The following WASHC3 variants were observed in gnomAD, a reference collection of about 807,000 sequenced individuals.
WASHC3 encodes WASH complex subunit CCDC53.
In WASHC3, 24 loss-of-function variants were observed where a neutral mutation model predicts 26.1. The ratio of observed to expected loss-of-function variants is 0.92; its 90% CI spans 0.66 to 1.29. The LOEUF (loss-of-function observed/expected upper bound fraction) is 1.29. Ranked by LOEUF, WASHC3 falls within the 50% of genes most tolerant of loss-of-function variation. The probability of loss-of-function intolerance (pLI) is 0.00; values close to 1 mark genes in which losing one functional copy is unlikely to be tolerated. For synonymous variants in WASHC3, 77 were observed against 75.7 expected (o/e 1.02, Z -0.09); for missense variants, 214 against 229.6 (o/e 0.93, Z 0.44).
intron 1 of WASHC3, 35 bp from the exon 2 acceptor site, chr12:102,061,381 G>A: frequency 7.3e-7 from 1 of 1,370,158 alleles, no homozygotes; most frequent in Non-Finnish European, 1.0e-6. Context: ...GTTCATACAG[G>A]AGGAACGTAC....
chr12:102,046,161 T>C (rs1878154132), intron 2 of WASHC3, 42 bp from the exon 3 acceptor site: 2 of 1,135,652 alleles, frequency 1.8e-6, no homozygotes, highest in Admixed American at 2.1e-5. Context: ...TTAATTAAAA[T>C]AAACTGTTAA....
At chr12:102,018,276 T>A (rs554099757) in intron 6 of WASHC3, among the ~76,000 whole-genome samples, 21 of 152,362 alleles carry the variant, frequency 1.4e-4, no homozygotes, top group African/African-American at 4.1e-4. Context: ...TGAACATGCG[T>A]ATACAAATAT....
intron 5 of WASHC3, among the ~76,000 whole-genome samples, chr12:102,028,862 T>C (rs973061931): frequency 2.1e-4 from 32 of 151,856 alleles, no homozygotes; most frequent in African/African-American, 7.7e-4. Context: ...AATAGAAACC[T>C]AAACCTGTAA....
chr12:102,027,564 A>G (rs1195470062), intron 5 of WASHC3, among the ~76,000 whole-genome samples: 4 of 152,162 alleles, frequency 2.6e-5, no homozygotes, highest in Non-Finnish European at 5.9e-5. Context: ...CATTTTTTTA[A>G]TAAGAAAATT....
intron 2 of WASHC3, among the ~76,000 whole-genome samples, chr12:102,060,914 C>G (rs113441025): frequency 0.088 from 12,109 of 137,680 alleles, 663 homozygotes; most frequent in Non-Finnish European, 0.13. Flanking sequence ...GAGATCGCGC[C>G]ACTGCACTGT....
At chr12:102,044,751 T>A (rs1458126180) in intron 3 of WASHC3, among the ~76,000 whole-genome samples, 1 of 152,194 alleles carries the variant, frequency 6.6e-6, no homozygotes, top group African/African-American at 2.4e-5. Context: ...CATTCACCAC[T>A]GAATGTTATT....
In WASHC3 at chr12:102,013,069, C is replaced by G. The variant is rs749475966; in HGVS notation, c.*39G>C. On this transcript the variant is annotated 3_prime_UTR_variant, in exon 7 of 7. Transcript: ENST00000240079. ...CAATCTCTTACAGAATGTAAATGTACCCCTATGCATGCATATGTAATTCTT... is the reference window on the plus strand; with the variant it reads ...CAATCTCTTACAGAATGTAAATGTAGCCCTATGCATGCATATGTAATTCTT... The G allele has an allele frequency of 2.3e-6, 2 of 867,714 alleles. No individual in the cohort carries two copies. The highest frequency in any genetic ancestry group is 3.7e-6 in the Non-Finnish European group (2 of 536,730). 53.8% of individuals were successfully genotyped at this position (867,714 alleles called of 1,614,324 possible).
At chr12:102,044,782 A>C (rs532675409) in intron 3 of WASHC3, among the ~76,000 whole-genome samples, 1 of 152,146 alleles carries the variant, frequency 6.6e-6, no homozygotes, top group Non-Finnish European at 1.5e-5. Context: ...TCTTCTATGC[A>C]AAAAAATGGG....
intron 5 of WASHC3, among the ~76,000 whole-genome samples, chr12:102,033,812 T>C (rs2121380098): frequency 6.6e-6 from 1 of 152,116 alleles, no homozygotes; most frequent in South Asian, 2.1e-4. Context: ...AGCTGACATG[T>C]AGGCTTCTAA....
intron 5 of WASHC3, among the ~76,000 whole-genome samples, chr12:102,029,646 T>C (rs1303859776): frequency 6.6e-6 from 1 of 152,208 alleles, no homozygotes; most frequent in East Asian, 1.9e-4. Flanking sequence ...TCATTGTCAA[T>C]TTAAGAGAGA....
intron 6 of WASHC3, among the ~76,000 whole-genome samples, chr12:102,023,127 A>G (rs187751781): frequency 7.9e-5 from 12 of 152,200 alleles, no homozygotes; most frequent in African/African-American, 2.9e-4. Flanking sequence ...CTACAGTTTT[A>G]TAGAATTCCT....
intron 2 of WASHC3, chr12:102,050,453 AACAC>A (rs58251617): frequency 0.085 from 28,113 of 329,734 alleles, 365 homozygotes; most frequent in East Asian, 0.26. Flanking sequence ...TGCCATCTCT[AACAC>A]ACACACACAC....
At chr12:102,047,800 AATC>A (rs1222991497) in intron 2 of WASHC3, among the ~76,000 whole-genome samples, 2 of 152,234 alleles carry the variant, frequency 1.3e-5, no homozygotes, top group African/African-American at 2.4e-5. Flanking sequence ...TTTAAGCAAT[AATC>A]ATCAATACTG....
chr12:102,049,281 G>C lies in WASHC3; in HGVS notation c.151-3162C>G, dbSNP rs948151171. ...ACATAGCCATATGTCCCCTGGTTGA[G>C]AGCCACTGCTCTAAATTATGGATGA... is the stretch of plus-strand genomic sequence containing the variant. On this transcript the variant is annotated intron_variant, in intron 2 of 6. Transcript: ENST00000240079. Among the ~76,000 whole-genome samples, 59 of 152,322 alleles carry C rather than the reference G, an allele frequency of 3.9e-4. 1 individual carries two copies. Among genetic ancestry groups the C allele is most frequent in the African/African-American group, 1.4e-3 (58 of 41,566 alleles).
At chr12:102,013,278 T>C in intron 6 of WASHC3, 86 bp from the exon 7 acceptor site, 1 of 681,676 alleles carries the variant, frequency 1.5e-6, no homozygotes, top group South Asian at 1.7e-5. Context: ...CATCTTAGAA[T>C]ATTGCTGCTA....
chr12:102,046,217 T>C, intron 2 of WASHC3, 98 bp from the exon 3 acceptor site: 1 of 702,446 alleles, frequency 1.4e-6, no homozygotes, highest in Non-Finnish European at 2.5e-6. Context: ...CATTAAATAT[T>C]TGTCATATTC....
intron 6 of WASHC3, among the ~76,000 whole-genome samples, chr12:102,016,057 T>A (rs1313527126): frequency 6.6e-6 from 1 of 152,106 alleles, no homozygotes; most frequent in Admixed American, 6.5e-5. Context: ...CCCTGGCTAA[T>A]TTTTTTACTT....
At chr12:102,060,954 C>CCCAAAA (rs1878781403) in intron 2 of WASHC3, among the ~76,000 whole-genome samples, 1 of 38,614 alleles carries the variant, frequency 2.6e-5, no homozygotes, top group East Asian at 1.1e-3. Flanking sequence ...GACCCTGTCT[C>CCCAAAA]ACAAAAAAAA....
chr12:102,021,191 T>A (rs1876941601), intron 6 of WASHC3, among the ~76,000 whole-genome samples: 1 of 152,198 alleles, frequency 6.6e-6, no homozygotes, highest in African/African-American at 2.4e-5. Context: ...TAATTAAAAA[T>A]GTAACAATTT....
Sources: gnomAD v4.1 joint callset for allele counts (sites outside exome capture counted in the v4.1 genomes callset) on GRCh38, gnomAD v4.1.1 for gene constraint, MANE v1.5 for transcripts, NCBI Gene and HGNC (gene_info 2026-07-23, HGNC 2026-07-21) for gene names.